Variants in SRBD1 observed in about 807,000 individuals in gnomAD.
The protein encoded by SRBD1 is S1 RNA-binding domain-containing protein 1.
SRBD1 carries 88 observed loss-of-function variants against 115.3 expected under a neutral mutation model. The observed-to-expected ratio is 0.76, with a 90% CI of 0.64 to 0.91. SRBD1 has a LOEUF of 0.91. SRBD1 is among the 40% of genes least tolerant of loss of function. The pLI, the probability that SRBD1 is intolerant of heterozygous loss-of-function variation, is 0.00. For synonymous variants in SRBD1, 509 were observed against 407.7 expected, an observed-to-expected ratio of 1.25 and a Z score of -2.99; for missense variants, 1,385 against 1,177.4, an observed-to-expected ratio of 1.18 and a Z score of -2.58.
chr2:45,558,643 T>A (rs1197132495), intron 10 of SRBD1, among the ~76,000 whole-genome samples: 1 of 151,860 alleles, frequency 6.6e-6, no homozygotes, highest in Non-Finnish European at 1.5e-5. Flanking sequence ...TATAGTGTGA[T>A]AGTAACTATA....
chr2:45,403,475 A>C (rs183890419), intron 19 of SRBD1, among the ~76,000 whole-genome samples: 123 of 152,220 alleles, frequency 8.1e-4, no homozygotes, highest in African/African-American at 2.9e-3. Context: ...TTTTTTCATC[A>C]AACATTGCCG....
chr2:45,580,437 C>T (rs1249166496), intron 6 of SRBD1, among the ~76,000 whole-genome samples: 2 of 151,738 alleles, frequency 1.3e-5, no homozygotes, highest in Non-Finnish European at 2.9e-5. Context: ...GCTCTGCCTC[C>T]CAGGTTTAAG....
intron 14 of SRBD1, among the ~76,000 whole-genome samples, chr2:45,509,595 C>CAA (rs1572716280): frequency 2.8e-5 from 2 of 72,384 alleles, no homozygotes; most frequent in African/African-American, 1.0e-4. Flanking sequence ...GACTCCGTCT[C>CAA]AAAACACACA....
At chr2:45,476,353 A>C (rs1183089173) in intron 16 of SRBD1, among the ~76,000 whole-genome samples, 3 of 152,202 alleles carry the variant, frequency 2.0e-5, no homozygotes. Flanking sequence ...CCTATCATTC[A>C]AATCCCATAA....
intron 10 of SRBD1, among the ~76,000 whole-genome samples, chr2:45,557,820 C>G (rs1165398953): frequency 6.6e-6 from 1 of 152,100 alleles, no homozygotes; most frequent in Non-Finnish European, 1.5e-5. Context: ...TTGATTCTTC[C>G]TCTAATTCAA....
chr2:45,555,829 T>G (rs1410071408), intron 10 of SRBD1, among the ~76,000 whole-genome samples: 1 of 152,120 alleles, frequency 6.6e-6, no homozygotes, highest in African/African-American at 2.4e-5. Context: ...CCTGCTGTCT[T>G]GGTGTATTAG....
At chr2:45,567,112 G>A (rs963439722) in intron 9 of SRBD1, among the ~76,000 whole-genome samples, 1 of 152,028 alleles carries the variant, frequency 6.6e-6, no homozygotes, top group Non-Finnish European at 1.5e-5. Context: ...CTCAATTTGT[G>A]CTTCATGTTG....
intron 7 of SRBD1, among the ~76,000 whole-genome samples, chr2:45,576,364 G>T (rs1298565128): frequency 6.6e-6 from 1 of 151,370 alleles, no homozygotes; most frequent in African/African-American, 2.4e-5. Context: ...TCAACAGTAG[G>T]CTATTAACAA....
At chr2:45,445,839 C>A (rs192560469) in intron 16 of SRBD1, among the ~76,000 whole-genome samples, 2 of 152,124 alleles carry the variant, frequency 1.3e-5, no homozygotes, top group African/African-American at 4.8e-5. Context: ...TAAAGTTCAA[C>A]AAAAATGGAA....
chr2:45,392,990 T>C lies in SRBD1; in HGVS notation c.2653A>G (p.Ile885Val). 6.2e-7 allele frequency: 1 copy of C among 1,613,162 alleles called. No individual in the cohort carries two copies. Among genetic ancestry groups the C allele is most frequent in the Non-Finnish European group, 8.5e-7 (1 of 1,179,438 alleles). ...LQTTVHTLQV[I>V]IDGLSQPESF... ...TCAGGCTGGCTGAGACCATCTATGA[T>C]GACCTGTAAGGTGTGTACTGTTGTT... Residue 885 changes from isoleucine to valine, a missense_variant, in exon 20 of 21, where the codon ATC becomes GTC. Ile to Val is a conservative substitution (Grantham distance 29). Transcript: ENST00000263736.
intron 14 of SRBD1, among the ~76,000 whole-genome samples, chr2:45,533,701 T>G: frequency 6.6e-6 from 1 of 152,036 alleles, no homozygotes; most frequent in East Asian, 1.9e-4. Flanking sequence ...TTTCCTCCAC[T>G]TCTAAAGGTT....
rs139211711 is a variant in SRBD1 at position 45,595,591 on chromosome 2, T to C, written c.648+3858A>G. 2.6e-3 allele frequency among the ~76,000 whole-genome samples: 393 copies of C among 152,344 alleles called. 2 individuals are homozygous for C. Among genetic ancestry groups the C allele is most frequent in the African/African-American group, 8.9e-3 (370 of 41,570 alleles). On this transcript the variant is annotated intron_variant, in intron 4 of 20. Coordinates refer to ENST00000263736, the MANE Select transcript of SRBD1 (RefSeq NM_018079.5). ...CTCATTCTTGTCAGTTCCCTCTTTTTCCAACATCTACCCCTGTTCTCAACC... is the reference window on the plus strand; with the variant it reads ...CTCATTCTTGTCAGTTCCCTCTTTTCCCAACATCTACCCCTGTTCTCAACC...
chr2:45,452,830 T>C (rs932351892), intron 16 of SRBD1, among the ~76,000 whole-genome samples: 9 of 151,928 alleles, frequency 5.9e-5, no homozygotes, highest in Non-Finnish European at 1.0e-4. Flanking sequence ...CACCCAAAAA[T>C]AACAGTTTCT....
chr2:45,457,483 C>T (rs567106163), intron 16 of SRBD1, among the ~76,000 whole-genome samples: 1 of 152,022 alleles, frequency 6.6e-6, no homozygotes, highest in South Asian at 2.1e-4. Flanking sequence ...TTTTATATGC[C>T]ACCACTTCCT....
chr2:45,426,419 G>T (rs909141069), intron 16 of SRBD1, among the ~76,000 whole-genome samples: 2 of 152,212 alleles, frequency 1.3e-5, no homozygotes, highest in African/African-American at 2.4e-5. Context: ...GGCTGTGGGC[G>T]CAGCTTCAGC....
At chr2:45,607,948 C>T (rs544912005) in intron 1 of SRBD1, among the ~76,000 whole-genome samples, 1 of 152,288 alleles carries the variant, frequency 6.6e-6, no homozygotes, top group South Asian at 2.1e-4. Flanking sequence ...TCTAACCAGT[C>T]CAAGAGTAAA....
At chr2:45,565,262 G>A (rs1348777285) in intron 9 of SRBD1, among the ~76,000 whole-genome samples, 1 of 152,200 alleles carries the variant, frequency 6.6e-6, no homozygotes, top group East Asian at 1.9e-4. Context: ...TATCAAGACA[G>A]TGGGGACTGG....
chr2:45,458,675 A>C lies in SRBD1; in HGVS notation c.2049+18318T>G, dbSNP rs530089246. Among the ~76,000 whole-genome samples the C allele has an allele frequency of 4.6e-5, 7 of 152,300 alleles. No individual in the cohort carries two copies. In the East Asian group the frequency reaches 9.6e-4, roughly 21 times the overall value. Reference sequence around the variant, plus strand: ...GCTGCCTTACTACATTTTTGAAAACAGAATGCTTTTCAGATTGGCAGTGGA... The same window carrying C: ...GCTGCCTTACTACATTTTTGAAAACCGAATGCTTTTCAGATTGGCAGTGGA... On this transcript the variant is annotated intron_variant, in intron 16 of 20. Transcript: ENST00000263736.
chr2:45,596,629 C>A (rs1262618596), intron 4 of SRBD1, among the ~76,000 whole-genome samples: 2 of 152,044 alleles, frequency 1.3e-5, no homozygotes, highest in African/African-American at 2.4e-5. Context: ...TGATGGTTAA[C>A]CCATTGCATC....
Sources: gnomAD v4.1 joint callset for allele counts (sites outside exome capture counted in the v4.1 genomes callset) on GRCh38, gnomAD v4.1.1 for gene constraint, MANE v1.5 for transcripts, NCBI Gene and HGNC (gene_info 2026-07-23, HGNC 2026-07-21) for gene names.